MTUS2: variants seen among roughly 807,000 people sequenced by gnomAD.
MTUS2 encodes the protein microtubule-associated tumor suppressor candidate 2.
A neutral mutation model predicts 114.1 loss-of-function variants in MTUS2; 40 were observed. The observed-to-expected ratio is 0.35, with a 90% CI of 0.27 to 0.46. MTUS2 has a LOEUF of 0.46. Among genes scored for constraint, MTUS2 ranks in the 20% least tolerant of loss-of-function variants. The pLI is 1.00. For synonymous variants in MTUS2, 688 were observed against 672.0 expected (o/e 1.02, Z -0.37); for missense variants, 1,679 against 1,705.4 (o/e 0.98, Z 0.27).
intron 2 of MTUS2, among the ~76,000 whole-genome samples, chr13:28,938,381 A>G (rs930815121): frequency 2.8e-5 from 4 of 144,442 alleles, no homozygotes; most frequent in African/African-American, 1.0e-4. Context: ...CTCTGTCTCA[A>G]AAAAAAAAAA....
At chr13:28,831,363 A>G (rs188349040) in intron 1 of MTUS2, among the ~76,000 whole-genome samples, 1 of 152,296 alleles carries the variant, frequency 6.6e-6, no homozygotes, top group African/African-American at 2.4e-5. Flanking sequence ...ATTAATAAAC[A>G]TGAAATAAAC....
At chr13:29,234,586 G>A (rs1896459707) in intron 5 of MTUS2, among the ~76,000 whole-genome samples, 1 of 152,118 alleles carries the variant, frequency 6.6e-6, no homozygotes, top group African/African-American at 2.4e-5. Flanking sequence ...TAGCCAAATG[G>A]CTAACCAATT....
intron 6 of MTUS2, among the ~76,000 whole-genome samples, chr13:29,296,291 C>A (rs1201473796): frequency 6.6e-6 from 1 of 152,074 alleles, no homozygotes; most frequent in Non-Finnish European, 1.5e-5. Flanking sequence ...TGGCTCACTG[C>A]AGCCTGGACC....
chr13:29,452,141 T>TA (rs1878729696), intron 9 of MTUS2, among the ~76,000 whole-genome samples: 1 of 152,214 alleles, frequency 6.6e-6, no homozygotes, highest in South Asian at 2.1e-4. Context: ...TGCATAGTAA[T>TA]ATCAATACTG....
At chr13:29,260,422 G>C (rs1897427706) in intron 5 of MTUS2, among the ~76,000 whole-genome samples, 2 of 152,310 alleles carry the variant, frequency 1.3e-5, no homozygotes, top group South Asian at 4.1e-4. Context: ...CTACTGAACA[G>C]TCATGAACCC....
rs75190913 is a variant in MTUS2, at chr13:29,288,647, G to A, written c.2806+6782G>A. Reference sequence around the variant, plus strand: ...GAAGCCAGGCCCTGCAGCATGGGATGAGGGGGCTGATATTGGAAAGGAGCT... The same window carrying A: ...GAAGCCAGGCCCTGCAGCATGGGATAAGGGGGCTGATATTGGAAAGGAGCT... On this transcript the variant is annotated intron_variant, in intron 6 of 15. Coordinates refer to ENST00000612955, the MANE Select transcript of MTUS2 (RefSeq NM_001033602.4). 2.5e-3 allele frequency among the ~76,000 whole-genome samples: 377 copies of A among 152,330 alleles called. 2 individuals are homozygous for A. The highest frequency in any genetic ancestry group is 8.5e-3 in the African/African-American group (355 of 41,584).
At chr13:29,408,864 A>G (rs748878260) in intron 8 of MTUS2, among the ~76,000 whole-genome samples, 69 of 152,292 alleles carry the variant, frequency 4.5e-4, no homozygotes, top group Non-Finnish European at 9.0e-4. Flanking sequence ...ATCCAACACC[A>G]CAGGGTTTGT....
intron 8 of MTUS2, among the ~76,000 whole-genome samples, chr13:29,367,277 C>T (rs1870799415): frequency 1.3e-5 from 2 of 152,164 alleles, no homozygotes; most frequent in South Asian, 4.1e-4. Flanking sequence ...CCTTCCGGGA[C>T]AGCAGGAAGA....
intron 2 of MTUS2, among the ~76,000 whole-genome samples, chr13:28,997,515 T>G (rs1267354006): frequency 6.6e-6 from 1 of 152,138 alleles, no homozygotes; most frequent in Non-Finnish European, 1.5e-5. Context: ...TTATTATTGT[T>G]TGGGAGCCTA....
At chr13:28,828,896 A>G (rs1419520146) in intron 1 of MTUS2, among the ~76,000 whole-genome samples, 1 of 152,232 alleles carries the variant, frequency 6.6e-6, no homozygotes, top group Non-Finnish European at 1.5e-5. Flanking sequence ...GATCCTATCT[A>G]TAAAGTTTTA....
chr13:28,995,775 A>C (rs941078407), intron 2 of MTUS2, among the ~76,000 whole-genome samples: 4 of 152,214 alleles, frequency 2.6e-5, no homozygotes, highest in Non-Finnish European at 5.9e-5. Flanking sequence ...GAAGTTGCCT[A>C]TCAGCTTAAG....
chr13:29,341,930 T>C (rs1036439581), intron 7 of MTUS2, among the ~76,000 whole-genome samples: 2 of 152,166 alleles, frequency 1.3e-5, no homozygotes, highest in African/African-American at 4.8e-5. Context: ...TTTATGTTTT[T>C]GTTTGTGTTG....
Position 29,504,716 on chromosome 13 carries a change from G to A in MTUS2, c.*1510G>A, listed in dbSNP as rs574001607. ...TAGTTTTAACAGATATGGTGATGAT[G>A]ATGATGCCCTTGTTTCCTGTATGTG... On this transcript the variant is annotated 3_prime_UTR_variant, in exon 16 of 16. Coordinates refer to ENST00000612955, the MANE Select transcript of MTUS2 (RefSeq NM_001033602.4). The A allele has an allele frequency of 3.9e-4, 90 of 233,372 alleles. 1 individual carries two copies. The South Asian group carries it at 0.015, about 38-fold the overall frequency. 14.5% of individuals were successfully genotyped at this position (233,372 alleles called of 1,614,324 possible).
chr13:29,495,181 CAAAAAAAAAAA>C (rs71090260), intron 12 of MTUS2, among the ~76,000 whole-genome samples: 1 of 30,078 alleles, frequency 3.3e-5, no homozygotes, highest in African/African-American at 1.3e-4. Context: ...AACTCCGTCT[CAAAAAAAAAAA>C]AAAAAAAAAA....
chr13:29,026,130 G>C lies in MTUS2; in HGVS notation c.1432G>C (p.Glu478Gln). ...TTTGGTGTTCAATCCTTCTGTTGGA[G>C]AGAACAAGACGGAGGTGCCTGAGCC... ...MVLVFNPSVG[E>Q]NKTEVPEPLD... The change falls in exon 3 of 16, where the codon GAG (glutamate) becomes CAG (glutamine). Residue 478 changes from glutamate to glutamine, a missense_variant. By Grantham distance (29) the Glu-to-Gln change is conservative. Coordinates refer to ENST00000612955, the MANE Select transcript of MTUS2 (RefSeq NM_001033602.4). 6.2e-7 allele frequency: 1 copy of C among 1,614,018 alleles called. No homozygotes were observed. Among genetic ancestry groups the C allele is most frequent in the South Asian group, 1.1e-5 (1 of 91,090 alleles).
At chr13:29,382,240 C>A (rs1872267782) in intron 8 of MTUS2, among the ~76,000 whole-genome samples, 1 of 152,104 alleles carries the variant, frequency 6.6e-6, no homozygotes, top group Admixed American at 6.5e-5. Context: ...GTGGTGGAGA[C>A]CCTGGCCCTT....
At chr13:29,324,021 AT>A (rs1900370844) in intron 6 of MTUS2, among the ~76,000 whole-genome samples, 2 of 152,184 alleles carry the variant, frequency 1.3e-5, no homozygotes, top group Admixed American at 1.3e-4. Context: ...TGGACACAAT[AT>A]GAGGAGCGTC....
At chr13:29,059,953 G>A (rs1888332297) in intron 4 of MTUS2, among the ~76,000 whole-genome samples, 1 of 152,230 alleles carries the variant, frequency 6.6e-6, no homozygotes, top group Non-Finnish European at 1.5e-5. Flanking sequence ...GCACTCCTGG[G>A]CCAGAAGCTC....
intron 4 of MTUS2, among the ~76,000 whole-genome samples, chr13:29,080,882 T>C (rs1478785972): frequency 1.3e-5 from 2 of 152,080 alleles, no homozygotes; most frequent in Non-Finnish European, 2.9e-5. Context: ...CCCACCACTA[T>C]GCCTAGCTAA....
Sources: gnomAD v4.1 joint callset for allele counts (sites outside exome capture counted in the v4.1 genomes callset) on GRCh38, gnomAD v4.1.1 for gene constraint, MANE v1.5 for transcripts, NCBI Gene and HGNC (gene_info 2026-07-23, HGNC 2026-07-21) for gene names.